LUZP2: variants seen among roughly 807,000 people sequenced by gnomAD.
LUZP2 encodes the protein leucine zipper protein 2.
Under a neutral mutation model 51.6 loss-of-function variants are expected in LUZP2, and 52 were observed. The ratio of observed to expected loss-of-function variants is 1.01; its 90% CI spans 0.81 to 1.27. The LOEUF (loss-of-function observed/expected upper bound fraction) is 1.27. Ranked by LOEUF, LUZP2 falls within the 50% of genes most tolerant of loss-of-function variation. The pLI, the probability that LUZP2 is intolerant of heterozygous loss-of-function variation, is 0.00. For synonymous variants in LUZP2, 154 were observed against 137.3 expected, an observed-to-expected ratio of 1.12 and a Z score of -0.85; for missense variants, 436 against 395.4, an observed-to-expected ratio of 1.10 and a Z score of -0.87.
chr11:24,558,650 T>G (rs1851943654), intron 1 of LUZP2, among the ~76,000 whole-genome samples: 1 of 152,192 alleles, frequency 6.6e-6, no homozygotes, highest in African/African-American at 2.4e-5. Flanking sequence ...TCAATAGTAC[T>G]AGGAGGTGGG....
At chr11:24,729,487 T>C (rs572796413) in intron 2 of LUZP2, among the ~76,000 whole-genome samples, 101 of 152,112 alleles carry the variant, frequency 6.6e-4, no homozygotes, top group African/African-American at 2.4e-3. Context: ...AATACAGAAA[T>C]GGGAAAATTG....
intron 1 of LUZP2, 29 bp from the exon 2 acceptor site, chr11:24,729,140 G>C: frequency 8.2e-7 from 1 of 1,226,572 alleles, no homozygotes; most frequent in Non-Finnish European, 1.1e-6. Context: ...CCATTTGGGG[G>C]GCTCTCATGC....
chr11:24,875,797 A>T (rs2134278639), intron 5 of LUZP2, among the ~76,000 whole-genome samples: 1 of 152,312 alleles, frequency 6.6e-6, no homozygotes, highest in East Asian at 1.9e-4. Context: ...TTGCCATTTT[A>T]ACTGGTGTGA....
intron 1 of LUZP2, among the ~76,000 whole-genome samples, chr11:24,690,243 A>G (rs956045510): frequency 3.3e-5 from 5 of 152,268 alleles, no homozygotes; most frequent in Admixed American, 6.5e-5. Flanking sequence ...AAAAAAATAA[A>G]AAGTCTCTTT....
intron 10 of LUZP2, among the ~76,000 whole-genome samples, chr11:25,076,659 G>C (rs1456748123): frequency 7.0e-6 from 1 of 142,196 alleles, no homozygotes; most frequent in African/African-American, 2.6e-5. Context: ...GGAAGGGAGG[G>C]AGGGAAGGAG....
chr11:24,906,066 T>C lies in LUZP2; in HGVS notation c.459+13T>C, dbSNP rs575295756. ...TCACGCAGAAGAGGTGAGTAAATTT[T>C]TGCTTCTTCTAGCTTTAACCAGATA... On this transcript the variant is annotated intron_variant, in intron 6 of 11. Transcript: ENST00000336930. 2 of 1,607,008 alleles carry C rather than the reference T, an allele frequency of 1.2e-6. No individual in the cohort carries two copies. Among genetic ancestry groups the C allele is most frequent in the East Asian group, 2.2e-5 (1 of 44,724 alleles).
intron 7 of LUZP2, among the ~76,000 whole-genome samples, chr11:24,916,140 A>G (rs1327975059): frequency 6.6e-6 from 1 of 151,892 alleles, no homozygotes; most frequent in Non-Finnish European, 1.5e-5. Flanking sequence ...TTAATGCTTG[A>G]GAGCTGCCTT....
chr11:24,501,460 C>T (rs984058110), intron 1 of LUZP2, among the ~76,000 whole-genome samples: 10 of 152,226 alleles, frequency 6.6e-5, no homozygotes, highest in Middle Eastern at 3.4e-3. Context: ...ATGAGGAATG[C>T]GTGGTTCTAA....
chr11:24,952,746 C>T (rs972725371), intron 7 of LUZP2, among the ~76,000 whole-genome samples: 1 of 151,800 alleles, frequency 6.6e-6, no homozygotes, highest in Non-Finnish European at 1.5e-5. Flanking sequence ...ACTTTTTGTT[C>T]TACTGTTTGA....
intron 5 of LUZP2, among the ~76,000 whole-genome samples, chr11:24,838,440 G>T (rs1344320505): frequency 1.3e-5 from 2 of 151,488 alleles, no homozygotes; most frequent in Non-Finnish European, 3.0e-5. Context: ...ACATGGAAAA[G>T]GTCTTCTGAT....
intron 1 of LUZP2, among the ~76,000 whole-genome samples, chr11:24,603,929 A>G (rs1853827635): frequency 6.6e-6 from 1 of 151,802 alleles, no homozygotes; most frequent in African/African-American, 2.4e-5. Context: ...ACATTACTAT[A>G]TTATATAACC....
At chr11:24,592,282 A>C (rs1172531460) in intron 1 of LUZP2, among the ~76,000 whole-genome samples, 1 of 152,194 alleles carries the variant, frequency 6.6e-6, no homozygotes, top group South Asian at 2.1e-4. Flanking sequence ...TACTCTTTTC[A>C]TGAATCTTGG....
At chr11:24,921,822 C>T (rs572715160) in intron 7 of LUZP2, among the ~76,000 whole-genome samples, 182 of 152,154 alleles carry the variant, frequency 1.2e-3, no homozygotes, top group Non-Finnish European at 2.1e-3. Flanking sequence ...AATCAATTCC[C>T]TGTGTAATCA....
chr11:24,986,422 G>A (rs1182516385), intron 9 of LUZP2, among the ~76,000 whole-genome samples: 1 of 151,326 alleles, frequency 6.6e-6, no homozygotes, highest in African/African-American at 2.4e-5. Flanking sequence ...TTTGCAATTT[G>A]TGTTCAATGA....
intron 1 of LUZP2, among the ~76,000 whole-genome samples, chr11:24,675,287 T>C (rs1327165513): frequency 6.6e-6 from 1 of 152,186 alleles, no homozygotes; most frequent in Non-Finnish European, 1.5e-5. Flanking sequence ...TTCTGAACTT[T>C]GCAGTAGGAT....
chr11:24,581,392 C>T lies in LUZP2; in HGVS notation c.62+84087C>T, dbSNP rs572993806. ...TGGGAATATGCAAATATTTGAGGGCCGGGTGCGGTGGCTTACGCCTGTAAT... is the reference window on the plus strand; with the variant it reads ...TGGGAATATGCAAATATTTGAGGGCTGGGTGCGGTGGCTTACGCCTGTAAT... On this transcript the variant is annotated intron_variant, in intron 1 of 11. Transcript: ENST00000336930. Among the ~76,000 whole-genome samples the T allele has an allele frequency of 5.3e-5, 8 of 152,112 alleles. No homozygotes were observed. The East Asian group carries it at 5.8e-4, about 11-fold the overall frequency.
chr11:24,937,624 G>A (rs888581867), intron 7 of LUZP2, among the ~76,000 whole-genome samples: 15 of 152,058 alleles, frequency 9.9e-5, no homozygotes, highest in African/African-American at 2.9e-4. Context: ...ATATGTGGCC[G>A]GGCGCGGTGG....
chr11:24,866,008 C>A (rs945479652), intron 5 of LUZP2, among the ~76,000 whole-genome samples: 3 of 151,374 alleles, frequency 2.0e-5, no homozygotes, highest in Non-Finnish European at 2.9e-5. Context: ...GGGGTTTCAC[C>A]ATGTTTGCCA....
At chr11:24,909,974 G>T (rs1425108593) in intron 6 of LUZP2, among the ~76,000 whole-genome samples, 1 of 152,132 alleles carries the variant, frequency 6.6e-6, no homozygotes, top group Admixed American at 6.5e-5. Flanking sequence ...CAAATGGTTT[G>T]ACCAAAATGC....
Sources: gnomAD v4.1 joint callset for allele counts (sites outside exome capture counted in the v4.1 genomes callset) on GRCh38, gnomAD v4.1.1 for gene constraint, MANE v1.5 for transcripts, NCBI Gene and HGNC (gene_info 2026-07-23, HGNC 2026-07-21) for gene names.